Variants in ENOX1 observed in about 807,000 individuals in gnomAD.
ENOX1 encodes the protein candidate growth-related and time keeping constitutive hydroquinone (NADH) oxidase.
A neutral mutation model predicts 82.5 loss-of-function variants in ENOX1; 42 were observed. That is an observed-to-expected ratio of 0.51 (90% confidence interval 0.40 to 0.66). The LOEUF (loss-of-function observed/expected upper bound fraction) is 0.66, where lower values mean the gene tolerates loss of function less well. Ranked by LOEUF, ENOX1 falls within the 30% of genes least tolerant of loss-of-function variation. ENOX1 has a pLI of 0.00. For synonymous variants in ENOX1, 271 were observed against 282.2 expected, an observed-to-expected ratio of 0.96 and a Z score of 0.40; for missense variants, 608 against 811.6, an observed-to-expected ratio of 0.75 and a Z score of 3.05.
At chr13:43,221,281 G>A (rs951744139) in intron 16 of ENOX1, among the ~76,000 whole-genome samples, 1 of 152,174 alleles carries the variant, frequency 6.6e-6, no homozygotes, top group Non-Finnish European at 1.5e-5. Flanking sequence ...AAGAGCAGAC[G>A]AACCCTCCTC....
chr13:43,513,684 C>T (rs2077455968), intron 2 of ENOX1, among the ~76,000 whole-genome samples: 1 of 151,926 alleles, frequency 6.6e-6, no homozygotes, highest in African/African-American at 2.4e-5. Flanking sequence ...GCTTTATGAC[C>T]ATATCTGCAT....
At chr13:43,727,594 C>T (rs570759427) in intron 1 of ENOX1, among the ~76,000 whole-genome samples, 1 of 152,192 alleles carries the variant, frequency 6.6e-6, no homozygotes, top group African/African-American at 2.4e-5. Context: ...CGCGGGTAGA[C>T]AGAAAGGGCC....
intron 5 of ENOX1, among the ~76,000 whole-genome samples, chr13:43,372,310 G>C (rs150379218): frequency 6.6e-6 from 1 of 152,220 alleles, no homozygotes; most frequent in Non-Finnish European, 1.5e-5. Flanking sequence ...GAGGCACAAG[G>C]AATGAAGGTG....
At chr13:43,513,431 T>A (rs2077444995) in intron 2 of ENOX1, among the ~76,000 whole-genome samples, 1 of 152,166 alleles carries the variant, frequency 6.6e-6, no homozygotes, top group African/African-American at 2.4e-5. Context: ...TTACTGTTTT[T>A]CTAAGATCCA....
intron 1 of ENOX1, among the ~76,000 whole-genome samples, chr13:43,671,765 A>T (rs2085279677): frequency 6.6e-6 from 1 of 152,116 alleles, no homozygotes; most frequent in Non-Finnish European, 1.5e-5. Context: ...GTCTGGATAG[A>T]GCTCAAGGAT....
intron 2 of ENOX1, among the ~76,000 whole-genome samples, chr13:43,611,364 AG>A (rs1165761513): frequency 6.6e-6 from 1 of 152,218 alleles, no homozygotes; most frequent in Admixed American, 6.5e-5. Flanking sequence ...GTTTGAAGCA[AG>A]GATCTGGCAA....
At position 43,631,746 on chromosome 13, in the gene ENOX1, C is replaced by G. The variant is rs777300110; in HGVS notation, c.-219+35733G>C. 3.7e-4 allele frequency among the ~76,000 whole-genome samples: 57 copies of G among 152,046 alleles called. 1 individual carries two copies. Among genetic ancestry groups the G allele is most frequent in the Non-Finnish European group, 1.8e-4 (12 of 68,002 alleles). On this transcript the variant is annotated intron_variant, in intron 2 of 16. Coordinates refer to ENST00000690772, the MANE Select transcript of ENOX1 (RefSeq NM_001347969.2). ...TTTTTCTTTGGCTAAAATTTAGGCA[C>G]TATATTGTTTTACCACATTATCTGA... is the stretch of plus-strand genomic sequence containing the variant.
intron 1 of ENOX1, among the ~76,000 whole-genome samples, chr13:43,685,778 C>CA (rs2086037826): frequency 6.6e-6 from 1 of 151,892 alleles, no homozygotes; most frequent in Admixed American, 6.6e-5. Context: ...AATGAGAACA[C>CA]ATTTGCCTGC....
At chr13:43,684,060 T>C (rs299352) in intron 1 of ENOX1, among the ~76,000 whole-genome samples, 146,626 of 147,616 alleles carry the variant, frequency 0.99, 72,826 homozygotes, top group Non-Finnish European at 1. Context: ...CGCGCCACTG[T>C]ACTCCAGCCT....
chr13:43,759,725 C>T (rs571046899), intron 1 of ENOX1, among the ~76,000 whole-genome samples: 7 of 152,210 alleles, frequency 4.6e-5, no homozygotes, highest in African/African-American at 1.4e-4. Flanking sequence ...TGGAAGATGT[C>T]TCTTCAGTGT....
intron 12 of ENOX1, among the ~76,000 whole-genome samples, chr13:43,273,150 C>T (rs904832757): frequency 1.3e-5 from 2 of 152,192 alleles, no homozygotes; most frequent in South Asian, 2.1e-4. Flanking sequence ...ACCCTTCCCA[C>T]CCCAACCAGT....
At chr13:43,621,847 T>C (rs1439200532) in intron 2 of ENOX1, among the ~76,000 whole-genome samples, 1 of 152,200 alleles carries the variant, frequency 6.6e-6, no homozygotes, top group Non-Finnish European at 1.5e-5. Context: ...CCGAATATGT[T>C]TTCCAAGATC....
chr13:43,265,024 C>A (rs534296193), intron 14 of ENOX1, among the ~76,000 whole-genome samples: 2 of 152,182 alleles, frequency 1.3e-5, no homozygotes, highest in Non-Finnish European at 2.9e-5. Flanking sequence ...TTAGGTACCA[C>A]CTTCGCTGGC....
At chr13:43,758,015 A>G (rs561912892) in intron 1 of ENOX1, among the ~76,000 whole-genome samples, 1 of 152,296 alleles carries the variant, frequency 6.6e-6, no homozygotes, top group East Asian at 1.9e-4. Context: ...CAAGCAGATT[A>G]CTTCAGGTCA....
chr13:43,639,936 T>A (rs9594984), intron 2 of ENOX1, among the ~76,000 whole-genome samples: 45,307 of 151,978 alleles, frequency 0.3, 8,271 homozygotes, highest in South Asian at 0.41. Flanking sequence ...GGCTGAGGCA[T>A]GAGAATCACT....
intron 2 of ENOX1, among the ~76,000 whole-genome samples, chr13:43,497,297 A>G (rs542655798): frequency 6.6e-6 from 1 of 152,270 alleles, no homozygotes; most frequent in Admixed American, 6.5e-5. Context: ...TAGGACCTCC[A>G]GTACAATGTT....
chr13:43,548,276 T>C (rs2079050264), intron 2 of ENOX1, among the ~76,000 whole-genome samples: 2 of 152,198 alleles, frequency 1.3e-5, no homozygotes, highest in Admixed American at 6.5e-5. Context: ...TCCCTCTCCC[T>C]GACCCTCCAA....
At position 43,322,253 on chromosome 13, in the gene ENOX1, G is replaced by C. The variant is rs575166082; in HGVS notation, c.1261+131C>G. On this transcript the variant is annotated intron_variant, in intron 11 of 16. Transcript: ENST00000690772. ...TTTAAAGTTCTATTAATAAAAAGCA[G>C]AGTCACTCAAAGATGAAAGTTTAGT... The C allele has an allele frequency of 6.3e-6, 4 of 632,024 alleles. No individual in the cohort carries two copies. In the East Asian group the frequency reaches 8.4e-5, roughly 13 times the overall value. The allele number at this position is 632,024 out of a possible 1,614,324, so 39.2% of individuals were successfully genotyped here.
chr13:43,231,477 AC>A (rs1666470546), intron 15 of ENOX1, among the ~76,000 whole-genome samples: 1 of 152,220 alleles, frequency 6.6e-6, no homozygotes, highest in Admixed American at 6.5e-5. Context: ...CTTGGTGAGT[AC>A]AAAACCTAAT....
Sources: allele counts gnomAD v4.1 joint callset (sites outside exome capture counted in the v4.1 genomes callset), GRCh38; gene constraint gnomAD v4.1.1; transcripts MANE v1.5; gene names NCBI Gene and HGNC (gene_info 2026-07-23, HGNC 2026-07-21).